Variants in KRABD1 observed in about 807,000 individuals in gnomAD.
KRABD1 encodes KRAB domain containing 1, also known as KRAB domain-containing protein 1.
chr3:42,941,437 T>C, the KRABD1 span: 2 of 1,376,888 alleles, frequency 1.5e-6, no homozygotes, highest in Admixed American at 2.6e-5. Flanking sequence ...CAAATAGCGA[T>C]GTCAAAGGTT....
the KRABD1 span, chr3:42,942,624 T>C: frequency 7.1e-7 from 1 of 1,407,062 alleles, no homozygotes. Context: ...TCGTCAATGC[T>C]GGGAAGACAG....
the KRABD1 span, chr3:42,938,983 G>A: frequency 7.7e-7 from 1 of 1,306,796 alleles, no homozygotes; most frequent in Non-Finnish European, 1.0e-6. Context: ...ATATACATAT[G>A]TGTTTATTAG....
chr3:42,938,649 C>T, the KRABD1 span: 1 of 373,578 alleles, frequency 2.7e-6, no homozygotes, highest in Non-Finnish European at 5.0e-6. Context: ...TCCACTTTTT[C>T]ATCACTCATT....
the KRABD1 span, chr3:42,937,978 A>G: frequency 6.6e-6 from 1 of 152,202 alleles, no homozygotes; most frequent in East Asian, 1.9e-4. Context: ...CTTTTTGAAT[A>G]TCTCTGATCC....
At chr3:42,936,959 G>A in the KRABD1 span, 1 of 152,090 alleles carries the variant, frequency 6.6e-6, no homozygotes, top group Non-Finnish European at 1.5e-5. Flanking sequence ...TTCCCTACCC[G>A]TCCCCAGGAT....
chr3:42,941,336 G>T, the KRABD1 span: 1 of 1,597,062 alleles, frequency 6.3e-7, no homozygotes. Context: ...AGAACTATGA[G>T]GCTGTGGCCT....
At chr3:42,941,771 T>A in the KRABD1 span, among the ~76,000 whole-genome samples, 5 of 152,112 alleles carry the variant, frequency 3.3e-5, no homozygotes, top group Admixed American at 1.3e-4. Context: ...GTTTCAGGCT[T>A]CCTTGGAAGA....
chr3:42,940,774 C>A, the KRABD1 span, among the ~76,000 whole-genome samples: 144,644 of 152,252 alleles, frequency 0.95, 68,902 homozygotes, highest in East Asian at 1. Flanking sequence ...TAGGCAAGAA[C>A]GAAGGATTAG....
At chr3:42,939,018 T>G in the KRABD1 span, 1 of 935,590 alleles carries the variant, frequency 1.1e-6, no homozygotes, top group Non-Finnish European at 1.6e-6. Flanking sequence ...ATATCTATAT[T>G]ACACATTTAC....
the KRABD1 span, chr3:42,939,078 T>C: frequency 1.6e-5 from 9 of 563,218 alleles, no homozygotes; most frequent in East Asian, 2.3e-4. Flanking sequence ...ACACACACAT[T>C]TCTCATTGAG....
At chr3:42,941,425 C>A in the KRABD1 span, 2 of 1,426,918 alleles carry the variant, frequency 1.4e-6, no homozygotes, top group East Asian at 2.5e-5. Flanking sequence ...ATTAGCTGAC[C>A]CCAAATAGCG....
chr3:42,942,166 A>G, the KRABD1 span: 15 of 849,422 alleles, frequency 1.8e-5, no homozygotes, highest in East Asian at 4.0e-4. Context: ...GCCCAGCATC[A>G]TGGAGTACAC....
At chr3:42,939,534 C>G in the KRABD1 span, among the ~76,000 whole-genome samples, 2 of 152,016 alleles carry the variant, frequency 1.3e-5, no homozygotes, top group Non-Finnish European at 2.9e-5. Flanking sequence ...ACATTCTTAT[C>G]TTTTTGTGGA....
At chr3:42,938,760 T>C in the KRABD1 span, 18 of 513,122 alleles carry the variant, frequency 3.5e-5, no homozygotes, top group African/African-American at 2.4e-4. Flanking sequence ...GTTATTGATA[T>C]AGCCTTCAAA....
At chr3:42,940,588 T>C in the KRABD1 span, among the ~76,000 whole-genome samples, 1 of 152,296 alleles carries the variant, frequency 6.6e-6, no homozygotes, top group East Asian at 1.9e-4. Context: ...AATAGACACC[T>C]TTTTAGGCCT....
At chr3:42,939,053 T>C in the KRABD1 span, 2 of 658,734 alleles carry the variant, frequency 3.0e-6, no homozygotes, top group East Asian at 2.8e-5. Context: ...CTTTTATATA[T>C]GTGTGTATGT....
chr3:42,941,479 C>T, the KRABD1 span: 5 of 995,506 alleles, frequency 5.0e-6, no homozygotes, highest in African/African-American at 4.9e-5. Context: ...TGTCTATTGA[C>T]TTGCGAAAGG....
chr3:42,938,809 A>G, the KRABD1 span: 1 of 948,518 alleles, frequency 1.1e-6, no homozygotes, highest in Non-Finnish European at 1.6e-6. Context: ...CTTATGGTCA[A>G]TAAAGTTATT....
At chr3:42,941,344 C>T in the KRABD1 span, 81 of 1,593,266 alleles carry the variant, frequency 5.1e-5, 1 homozygote, top group South Asian at 8.7e-4. Context: ...GAGGCTGTGG[C>T]CTTTGTAGGT....
Sources: gnomAD v4.1 joint callset for allele counts (sites outside exome capture counted in the v4.1 genomes callset) on GRCh38, gnomAD v4.1.1 for gene constraint, MANE v1.5 for transcripts, NCBI Gene and HGNC (gene_info 2026-07-23, HGNC 2026-07-21) for gene names.